Variants in IL1RAPL2 observed in about 807,000 individuals in gnomAD.
IL1RAPL2 encodes X-linked interleukin-1 receptor accessory protein-like 2.
A neutral mutation model predicts 44.1 loss-of-function variants in IL1RAPL2; 3 were observed. The ratio of observed to expected loss-of-function variants is 0.07; its 90% confidence interval spans 0.03 to 0.18. The LOEUF (loss-of-function observed/expected upper bound fraction) is 0.18. Among genes scored for constraint, IL1RAPL2 ranks in the 10% least tolerant of loss-of-function variants. The pLI is 1.00. For missense variants in IL1RAPL2, 391 were observed against 496.4 expected (o/e 0.79, Z 2.02); for synonymous variants, 181 against 178.8 (o/e 1.01, Z -0.10).
intron 2 of IL1RAPL2, among the ~76,000 whole-genome samples, chrX:105,192,061 GC>G (rs1266108360): frequency 3.6e-4 from 40 of 111,904 alleles, no homozygotes; most frequent in African/African-American, 1.3e-3. Flanking sequence ...GAGATCAAGC[GC>G]ACCAGTTGGC....
At chrX:105,571,982 C>A (rs2037017574) in intron 6 of IL1RAPL2, among the ~76,000 whole-genome samples, 1 of 111,507 alleles carries the variant, frequency 9.0e-6, no homozygotes, top group African/African-American at 3.3e-5. Flanking sequence ...CCTTAATGAT[C>A]AGTGTCTAGA....
intron 5 of IL1RAPL2, among the ~76,000 whole-genome samples, chrX:105,279,561 C>T (rs1221052661): frequency 1.8e-5 from 2 of 111,152 alleles, no homozygotes; most frequent in Non-Finnish European, 3.8e-5. Flanking sequence ...CTCACTGCAA[C>T]CTCCGCCTCC....
In IL1RAPL2 at chrX:104,943,439, T is replaced by A. The variant is rs377066288; in HGVS notation, c.83-252036T>A. Among the ~76,000 whole-genome samples, 7 of 112,092 alleles carry A rather than the reference T, an allele frequency of 6.2e-5. No individual in the cohort carries two copies. The East Asian group carries it at 2.0e-3, about 32-fold the overall frequency. On this transcript the variant is annotated intron_variant, in intron 2 of 10. Coordinates refer to ENST00000372582, the MANE Select transcript of IL1RAPL2 (RefSeq NM_017416.2). ...AACTTATCTTGCTTCCAAATTCTGA[T>A]TTATCCCATCTTTTCTTCTCAGTTA...
chrX:104,693,800 A>C (rs193090706), intron 2 of IL1RAPL2, among the ~76,000 whole-genome samples: 106 of 111,682 alleles, frequency 9.5e-4, no homozygotes, highest in Admixed American at 2.9e-3. Flanking sequence ...TATGGGAATC[A>C]TTTCTGGATT....
At chrX:105,057,367 G>A (rs2032007457) in intron 2 of IL1RAPL2, among the ~76,000 whole-genome samples, 1 of 111,778 alleles carries the variant, frequency 8.9e-6, no homozygotes, top group Admixed American at 9.5e-5. Context: ...CATGAACAGT[G>A]ACATGTGTAT....
intron 2 of IL1RAPL2, among the ~76,000 whole-genome samples, chrX:104,945,555 G>A (rs1425723915): frequency 9.0e-6 from 1 of 111,662 alleles, no homozygotes; most frequent in Non-Finnish European, 1.9e-5. Context: ...ATGATATACA[G>A]GGCTCATTAA....
In IL1RAPL2 at chrX:104,973,393, G is replaced by A. The variant is rs1355963464; in HGVS notation, c.83-222082G>A. Among the ~76,000 whole-genome samples the A allele has an allele frequency of 1.1e-4, 12 of 111,543 alleles. No homozygotes were observed. In the South Asian group the frequency reaches 1.1e-3, roughly 10 times the overall value. ...GTCAAAAACTAAAAGCCAAAAATGAGATTATATCAAGAGAAACTATATTGG... is the reference window on the plus strand; with the variant it reads ...GTCAAAAACTAAAAGCCAAAAATGAAATTATATCAAGAGAAACTATATTGG... On this transcript the variant is annotated intron_variant, in intron 2 of 10. Coordinates refer to ENST00000372582, the MANE Select transcript of IL1RAPL2 (RefSeq NM_017416.2).
At chrX:105,266,507 A>C (rs1349458174) in intron 4 of IL1RAPL2, among the ~76,000 whole-genome samples, 1 of 111,881 alleles carries the variant, frequency 8.9e-6, no homozygotes, top group Admixed American at 9.5e-5. Context: ...AAATTCCTAA[A>C]AGACAAAGAT....
chrX:105,590,589 A>G (rs2037161308), intron 6 of IL1RAPL2, among the ~76,000 whole-genome samples: 1 of 111,089 alleles, frequency 9.0e-6, no homozygotes, highest in African/African-American at 3.3e-5. Context: ...TTTTTTCAAA[A>G]GCTTTTTCTG....
At chrX:105,084,756 T>C in intron 2 of IL1RAPL2, among the ~76,000 whole-genome samples, 1 of 111,407 alleles carries the variant, frequency 9.0e-6, no homozygotes, top group Non-Finnish European at 1.9e-5. Context: ...ATATAAAAAG[T>C]ACATGACATT....
At chrX:104,743,459 TA>T (rs914754143) in intron 2 of IL1RAPL2, among the ~76,000 whole-genome samples, 5 of 110,255 alleles carry the variant, frequency 4.5e-5, no homozygotes, top group African/African-American at 1.6e-4. Flanking sequence ...GGAGGGAAAG[TA>T]AACACCTTGG....
At position 105,355,230 on chromosome X, in the gene IL1RAPL2, G is replaced by A. The variant is rs1343292795; in HGVS notation, c.697+87689G>A. Among the ~76,000 whole-genome samples, 14 of 111,239 alleles carry A rather than the reference G, an allele frequency of 1.3e-4. No homozygotes were observed. In the Admixed American group the frequency reaches 1.3e-3, roughly 11 times the overall value. ...GTCAACATGTTAATACAAGATATGT[G>A]GTACCCATGCCCACTTCTCCAGCCT... is the stretch of plus-strand genomic sequence containing the variant. On this transcript the variant is annotated intron_variant, in intron 5 of 10. Transcript: ENST00000372582.
At chrX:105,757,178 C>G (rs1278343832) in intron 10 of IL1RAPL2, among the ~76,000 whole-genome samples, 2 of 111,730 alleles carry the variant, frequency 1.8e-5, no homozygotes, top group Non-Finnish European at 3.8e-5. Flanking sequence ...CAAACTGTGC[C>G]TTTGATATAC....
At chrX:104,596,020 G>A (rs929675377) in intron 1 of IL1RAPL2, among the ~76,000 whole-genome samples, 1 of 110,410 alleles carries the variant, frequency 9.1e-6, no homozygotes, top group African/African-American at 3.3e-5. Context: ...GAACTCTGTG[G>A]ATCCCTTCTC....
At chrX:104,751,728 G>C (rs773850367) in intron 2 of IL1RAPL2, among the ~76,000 whole-genome samples, 1 of 110,866 alleles carries the variant, frequency 9.0e-6, no homozygotes, top group Admixed American at 9.6e-5. Flanking sequence ...TGTATGCCAG[G>C]GTTAATATGA....
chrX:104,994,593 A>G (rs966754493), intron 2 of IL1RAPL2, among the ~76,000 whole-genome samples: 5 of 111,710 alleles, frequency 4.5e-5, no homozygotes, highest in Non-Finnish European at 9.4e-5. Flanking sequence ...TAACTTTTAC[A>G]TAGTCCAAAT....
Position 105,611,029 on chromosome X carries a change from T to C in IL1RAPL2, c.773-106338T>C, listed in dbSNP as rs367558549. Among the ~76,000 whole-genome samples, 37 of 111,786 alleles carry C rather than the reference T, an allele frequency of 3.3e-4. No homozygotes were observed. In the South Asian group the frequency reaches 0.014, roughly 42 times the overall value. On this transcript the variant is annotated intron_variant, in intron 6 of 10. Coordinates refer to ENST00000372582, the MANE Select transcript of IL1RAPL2 (RefSeq NM_017416.2). ...GATGTGGAGGTGGAAGGCAGTAATA[T>C]TGATTATCCTGACCATAATCCTGTG...
At chrX:104,884,556 G>A (rs150171482) in intron 2 of IL1RAPL2, among the ~76,000 whole-genome samples, 1,118 of 102,373 alleles carry the variant, frequency 0.011, 15 homozygotes, top group African/African-American at 0.036. Flanking sequence ...AATTTGACCC[G>A]CAAACCCTGA....
chrX:105,710,581 A>G (rs1327198510), intron 6 of IL1RAPL2, among the ~76,000 whole-genome samples: 1 of 110,437 alleles, frequency 9.1e-6, no homozygotes, highest in East Asian at 2.8e-4. Flanking sequence ...CTTCTTTAGA[A>G]TAAAGAATTT....
Sources: gnomAD v4.1 joint callset for allele counts (sites outside exome capture counted in the v4.1 genomes callset) on GRCh38, gnomAD v4.1.1 for gene constraint, MANE v1.5 for transcripts, NCBI Gene and HGNC (gene_info 2026-07-23, HGNC 2026-07-21) for gene names.